MIER2: variants seen among roughly 807,000 people sequenced by gnomAD.
The protein encoded by MIER2 is MIER family member 2, also known as mesoderm induction early response protein 2.
In MIER2, 30 loss-of-function variants were observed where a neutral mutation model predicts 67.6. The ratio of observed to expected loss-of-function variants is 0.44; its 90% CI spans 0.33 to 0.60. The LOEUF (loss-of-function observed/expected upper bound fraction) is 0.60. Among genes scored for constraint, MIER2 ranks in the 20% least tolerant of loss-of-function variants. The pLI is 0.02. For synonymous variants in MIER2, 372 were observed against 312.6 expected, an observed-to-expected ratio of 1.19 and a Z score of -2.00; for missense variants, 702 against 745.1, an observed-to-expected ratio of 0.94 and a Z score of 0.67.
chr19:308,080 T>C lies in MIER2; in HGVS notation c.1198+497A>G, dbSNP rs1245515651. ...GAGCCAGAAAGCAAAGGATCCTCGT[T>C]TGCACCCTCCCCGTGTGGGTCTCCA... On this transcript the variant is annotated intron_variant, in intron 12 of 13. Transcript: ENST00000264819. The surrounding 1 kb of genome is among the most constrained non-coding windows in gnomAD (Gnocchi z 9.1). 6.6e-6 allele frequency among the ~76,000 whole-genome samples: 1 copy of C among 152,144 alleles called. No individual in the cohort carries two copies. The highest frequency in any genetic ancestry group is 1.5e-5 in the Non-Finnish European group (1 of 68,020).
At chr19:327,042 G>A in intron 5 of MIER2, 91 bp downstream of exon 5, 1 of 1,485,762 alleles carries the variant, frequency 6.7e-7, no homozygotes, top group Middle Eastern at 1.9e-4. Flanking sequence ...TGAGTTCTTG[G>A]CCTGCATCAG....
chr19:335,834 G>A (rs987857070), intron 2 of MIER2, among the ~76,000 whole-genome samples: 2 of 152,148 alleles, frequency 1.3e-5, no homozygotes, highest in Non-Finnish European at 1.5e-5. Flanking sequence ...CGGGTCCTCT[G>A]CTGGGGGTGC....
intron 2 of MIER2, among the ~76,000 whole-genome samples, chr19:335,810 T>A (rs1228428534): frequency 6.6e-6 from 1 of 152,076 alleles, no homozygotes; most frequent in East Asian, 1.9e-4. Flanking sequence ...CTCAGCTCGG[T>A]GCAGGCGTGT....
chr19:312,230 C>T lies in MIER2; in HGVS notation c.850G>A (p.Ala284Thr). 1 of 1,613,964 alleles carries T rather than the reference C, an allele frequency of 6.2e-7. No homozygotes were observed. The highest frequency in any genetic ancestry group is 8.5e-7 in the Non-Finnish European group (1 of 1,179,896). ...LVKCNFNVEE[A>T]LRRLRFNVKV... ...ACGTTGAACCGCAGCCTTCGCAGGG[C>T]CTCCTCCACATTGAAGTTGCATTTC... Residue 284 changes from alanine to threonine, a missense_variant, in exon 9 of 14, where the codon GCC becomes ACC. By Grantham distance (58) the Ala-to-Thr change is moderately conservative. Around this residue, in one of 3 missense-constraint regions of MIER2, gnomAD observed 128 missense variants for 189.7 expected, o/e 0.67. Coordinates refer to ENST00000264819, the MANE Select transcript of MIER2 (RefSeq NM_017550.3).
Position 308,542 on chromosome 19 carries a change from C to G in MIER2, c.1198+35G>C. 1 of 1,550,546 alleles carries G rather than the reference C, an allele frequency of 6.4e-7. No individual in the cohort carries two copies. The highest frequency in any genetic ancestry group is 8.7e-7 in the Non-Finnish European group (1 of 1,146,206). On this transcript the variant is annotated intron_variant, in intron 12 of 13. Transcript: ENST00000264819. This position sits in a 1 kb window ranked among gnomAD's most constrained non-coding sequence, Gnocchi z 9.1. Reference sequence around the variant, plus strand: ...TCACTCACGGCTCCAGACCCGTGGCCGCCCCCAGGGCAGGAGATACTCCCC... The same window carrying G: ...TCACTCACGGCTCCAGACCCGTGGCGGCCCCCAGGGCAGGAGATACTCCCC...
chr19:315,465 T>C (rs1359958821), intron 7 of MIER2, among the ~76,000 whole-genome samples: 1 of 152,220 alleles, frequency 6.6e-6, no homozygotes, highest in African/African-American at 2.4e-5. Context: ...TAACGAGGAT[T>C]AATACGTTAA....
At chr19:319,849 C>G (rs1317815493) in intron 7 of MIER2, among the ~76,000 whole-genome samples, 1 of 152,142 alleles carries the variant, frequency 6.6e-6, no homozygotes, top group African/African-American at 2.4e-5. Flanking sequence ...GGTACCAAAA[C>G]CAGACACGGA....
chr19:317,250 G>A (rs1458046548), intron 7 of MIER2, among the ~76,000 whole-genome samples: 14 of 150,482 alleles, frequency 9.3e-5, no homozygotes, highest in South Asian at 2.1e-4. Flanking sequence ...AAATTAGGCC[G>A]GGCGCGGTGG....
rs761614979 is a variant in MIER2 at position 325,668 on chromosome 19, T to G, written c.622A>C (p.Ser208Arg). The G allele has an allele frequency of 6.2e-6, 10 of 1,614,074 alleles. No individual in the cohort carries two copies. The African/African-American group carries it at 1.3e-4, about 22-fold the overall frequency. ...MVGPQFQADLSNLHLNRHCEK... is the reference protein window; with the variant it reads ...MVGPQFQADLRNLHLNRHCEK... The stretch of plus-strand genomic sequence containing the variant: ...CAGTGCCGGTTCAAGTGCAGGTTGC[T>G]GAGGTCAGCTTGGAACTGAGGTCCC... The change falls in exon 7 of 14, where the codon AGC becomes CGC. Residue 208 changes from serine (S) to arginine (R), a missense_variant. By Grantham distance (110) the Ser-to-Arg change is moderately radical. Coordinates refer to ENST00000264819, the MANE Select transcript of MIER2 (RefSeq NM_017550.3).
At chr19:307,635 T>C (rs1970715903) in intron 12 of MIER2, 99 bp from the exon 13 acceptor site, 37 of 1,259,760 alleles carry the variant, frequency 2.9e-5, no homozygotes, top group Non-Finnish European at 3.9e-5. Context: ...AGCCTGTGGA[T>C]CCCTCCCCAG....
intron 7 of MIER2, among the ~76,000 whole-genome samples, chr19:315,090 C>G (rs376575190): frequency 1.3e-5 from 2 of 151,154 alleles, no homozygotes; most frequent in South Asian, 4.2e-4. Context: ...CAAGGCCAGG[C>G]GTGGTGGCTC....
At position 308,961 on chromosome 19, in the gene MIER2, G is replaced by A. The variant is rs1245301330; in HGVS notation, c.985-36C>T. 1 of 1,581,688 alleles carries A rather than the reference G, an allele frequency of 6.3e-7. No homozygotes were observed. The highest frequency in any genetic ancestry group is 8.6e-7 in the Non-Finnish European group (1 of 1,157,306). On this transcript the variant is annotated intron_variant, in intron 10 of 13. Transcript: ENST00000264819. This position sits in a 1 kb window ranked among gnomAD's most constrained non-coding sequence, Gnocchi z 9.1. ...GGGTCAGGAGCCATCTCTGTCCCCG[G>A]CTGCCCAGCCCCAGCACCTGCACCA...
intron 5 of MIER2, 173 bp downstream of exon 5, chr19:326,960 C>T: frequency 7.0e-6 from 6 of 863,004 alleles, no homozygotes; most frequent in Non-Finnish European, 1.0e-5. Context: ...GGCTCACTGG[C>T]CAGCGTGGAG....
At chr19:343,886 C>A (rs1375673390) in intron 1 of MIER2, 8 of 985,134 alleles carry the variant, frequency 8.1e-6, no homozygotes, top group Non-Finnish European at 9.6e-6. Flanking sequence ...ACTCCAAAAT[C>A]AAAAAAAGCT....
At chr19:310,266 C>T (rs1241367663) in intron 10 of MIER2, among the ~76,000 whole-genome samples, 3 of 152,242 alleles carry the variant, frequency 2.0e-5, no homozygotes, top group Non-Finnish European at 4.4e-5. Flanking sequence ...CACCGCCACC[C>T]AGAACGAGGA....
Position 306,698 on chromosome 19 carries a change from T to G in MIER2, c.1630A>C (p.Thr544Pro). ...SEPLSHCNVM[T>P]C The stretch of plus-strand genomic sequence containing the variant: ...CCGCCCGCGGCCAGGAGTCAGCAGG[T>G]CATCACGTTACAGCTGCAGGGGAGA... The change falls in exon 14 of 14, where the codon ACC (threonine) becomes CCC (proline). Residue 544 changes from threonine (T) to proline (P), a missense_variant. By Grantham distance (38) the Thr-to-Pro change is conservative. This residue lies in a region of MIER2 where 254 missense variants were observed against 262.8 expected (regional missense o/e 0.97). Transcript: ENST00000264819. 6.4e-7 allele frequency: 1 copy of G among 1,560,546 alleles called. No homozygotes were observed. Among genetic ancestry groups the G allele is most frequent in the Non-Finnish European group, 8.7e-7 (1 of 1,152,408 alleles).
At chr19:326,938 T>G (rs770346998) in intron 5 of MIER2, 195 bp downstream of exon 5, 95 of 709,606 alleles carry the variant, frequency 1.3e-4, no homozygotes, top group Non-Finnish European at 2.0e-4. Context: ...ACCAAATCGC[T>G]CTGAGAGTCC....
At position 308,635 on chromosome 19, in the gene MIER2, G is replaced by T. The variant is rs1314946309; in HGVS notation, c.1140C>A (p.Asp380Glu). Residue 380 changes from aspartate to glutamate, a missense_variant, in exon 12 of 14, where the codon GAC becomes GAA. Physicochemically the swap from Asp to Glu is conservative, Grantham distance 45. This residue lies in a region of MIER2 where 254 missense variants were observed against 262.8 expected (regional missense o/e 0.97). Coordinates refer to ENST00000264819, the MANE Select transcript of MIER2 (RefSeq NM_017550.3). The surrounding 1 kb of genome is among the most constrained non-coding windows in gnomAD (Gnocchi z 9.1). The part of the protein sequence containing the change: ...TDADQDLDGS[D>E]PDGPGRPRPE... ...GGCGCGGACGGCCGGGGCCATCGGG[G>T]TCGCTGCCATCCAGGTCCTGGTCTG... is the stretch of plus-strand genomic sequence containing the variant. 2 of 1,606,338 alleles carry T rather than the reference G, an allele frequency of 1.2e-6. No homozygotes were observed. The highest frequency in any genetic ancestry group is 1.8e-4 in the Middle Eastern group (1 of 5,662).
intron 7 of MIER2, among the ~76,000 whole-genome samples, chr19:321,938 TCTGTCACCCAGGCTGGAGTGCAGTGG>T (rs1212900616): frequency 6.6e-6 from 1 of 152,126 alleles, no homozygotes; most frequent in Admixed American, 6.5e-5. Context: ...AGAGTCTCGC[TCTGTCACCCAGGCTGGAGTGCAGTGG>T]CGCGATCTCG....
Sources: allele counts gnomAD v4.1 joint callset (sites outside exome capture counted in the v4.1 genomes callset), GRCh38; gene constraint gnomAD v4.1.1; regional missense constraint gnomAD v4.1.1; non-coding constraint Gnocchi (gnomAD v3.1); transcripts MANE v1.5; gene names NCBI Gene and HGNC (gene_info 2026-07-23, HGNC 2026-07-21).